The following CDH13 variants were observed in gnomAD, a reference collection of about 807,000 sequenced individuals.
CDH13 encodes cadherin 13.
Under a neutral mutation model 63.8 loss-of-function variants are expected in CDH13, and 24 were observed. The observed-to-expected ratio is 0.38, with a 90% confidence interval of 0.27 to 0.53. The LOEUF (loss-of-function observed/expected upper bound fraction) is 0.53, where lower values mean the gene tolerates loss of function less well. Ranked by LOEUF, CDH13 falls within the 20% of genes least tolerant of loss-of-function variation. The pLI, the probability that CDH13 is intolerant of heterozygous loss-of-function variation, is 0.85. For synonymous variants in CDH13, 503 were observed against 355.3 expected (o/e 1.42, Z -4.67); for missense variants, 1,049 against 903.1 (o/e 1.16, Z -2.07).
At chr16:83,260,052 C>T (rs1042429493) in intron 5 of CDH13, among the ~76,000 whole-genome samples, 5 of 131,486 alleles carry the variant, frequency 3.8e-5, no homozygotes, top group Admixed American at 3.3e-4. Flanking sequence ...GGCAGGTTCT[C>T]ACAGTATATA....
At position 83,798,376 on chromosome 16, in the gene CDH13, C is replaced by T. The variant is rs1162582379; in HGVS notation, c.*3346C>T. On this transcript the variant is annotated 3_prime_UTR_variant, in exon 14 of 14. Coordinates refer to ENST00000567109, the MANE Select transcript of CDH13 (RefSeq NM_001257.5). ...CCTAGGGGGTGTATGAACATGGTAC[C>T]AAAAAGGTGATTAATAATTATAATA... 6.6e-6 allele frequency: 1 copy of T among 152,052 alleles called. No homozygotes were observed. The highest frequency in any genetic ancestry group is 1.9e-4 in the East Asian group (1 of 5,198). 9.4% of individuals were successfully genotyped at this position (152,052 alleles called of 1,614,324 possible). A position where few individuals can be genotyped will look rare whatever the true frequency, so the allele number is the denominator to read the frequency against.
At chr16:82,786,968 C>G (rs747431429) in intron 1 of CDH13, among the ~76,000 whole-genome samples, 2 of 152,212 alleles carry the variant, frequency 1.3e-5, no homozygotes, top group East Asian at 3.9e-4. Context: ...TGGCTTCAAA[C>G]GCTTCTAAAT....
At chr16:83,654,311 C>G (rs553254651) in intron 8 of CDH13, among the ~76,000 whole-genome samples, 1 of 152,186 alleles carries the variant, frequency 6.6e-6, no homozygotes, top group Non-Finnish European at 1.5e-5. Context: ...GGAAGGGTCC[C>G]TCCTGCACCC....
chr16:83,686,109 A>G (rs964937938), intron 10 of CDH13, among the ~76,000 whole-genome samples: 3 of 152,220 alleles, frequency 2.0e-5, no homozygotes, highest in African/African-American at 7.2e-5. Context: ...AGGAAAGCAC[A>G]CAAGCAGGGT....
At chr16:82,928,887 G>T (rs1463093941) in intron 2 of CDH13, among the ~76,000 whole-genome samples, 1 of 152,114 alleles carries the variant, frequency 6.6e-6, no homozygotes, top group Non-Finnish European at 1.5e-5. Context: ...ATTCTTCTGT[G>T]TATTGATAAA....
chr16:83,013,315 C>G (rs1914349414), intron 2 of CDH13, among the ~76,000 whole-genome samples: 1 of 152,158 alleles, frequency 6.6e-6, no homozygotes, highest in Admixed American at 6.5e-5. Flanking sequence ...ATTCCAGACT[C>G]CTGGTTTGGA....
chr16:82,837,397 G>T (rs1051496844), intron 1 of CDH13, among the ~76,000 whole-genome samples: 4 of 152,194 alleles, frequency 2.6e-5, no homozygotes, highest in South Asian at 4.2e-4. Context: ...ATTTATGTCA[G>T]AGGTCCCCAA....
At chr16:83,465,845 C>G (rs1282200255) in intron 6 of CDH13, among the ~76,000 whole-genome samples, 1 of 152,228 alleles carries the variant, frequency 6.6e-6, no homozygotes, top group African/African-American at 2.4e-5. Context: ...AAACTCTATT[C>G]TCTCTTACTT....
chr16:83,352,547 A>G (rs1032884185), intron 6 of CDH13, among the ~76,000 whole-genome samples: 1 of 152,194 alleles, frequency 6.6e-6, no homozygotes, highest in Non-Finnish European at 1.5e-5. Flanking sequence ...ATTCATCACC[A>G]CACCATACAT....
chr16:82,850,191 C>T (rs1035724869), intron 1 of CDH13, among the ~76,000 whole-genome samples: 28 of 151,800 alleles, frequency 1.8e-4, no homozygotes, highest in African/African-American at 6.3e-4. Context: ...AAGGATTCAC[C>T]ATTCTAGATG....
chr16:83,004,580 G>A (rs976343643), intron 2 of CDH13, among the ~76,000 whole-genome samples: 3 of 151,940 alleles, frequency 2.0e-5, no homozygotes, highest in Admixed American at 6.6e-5. Context: ...TCACTGCAAC[G>A]TGTGCCTCCC....
chr16:83,437,080 G>T (rs145114926), intron 6 of CDH13, among the ~76,000 whole-genome samples: 3 of 151,312 alleles, frequency 2.0e-5, no homozygotes, highest in Admixed American at 6.6e-5. Context: ...TTTTGTTTGG[G>T]TTTTTTTTTC....
At chr16:83,648,428 C>T (rs1182416851) in intron 8 of CDH13, among the ~76,000 whole-genome samples, 1 of 152,178 alleles carries the variant, frequency 6.6e-6, no homozygotes, top group African/African-American at 2.4e-5. Context: ...AATGCAGAGG[C>T]ATCACCGTGA....
chr16:83,298,759 C>G (rs1332985656), intron 5 of CDH13, among the ~76,000 whole-genome samples: 1 of 152,178 alleles, frequency 6.6e-6, no homozygotes, highest in Admixed American at 6.5e-5. Flanking sequence ...CCTCAGTATG[C>G]CTGCTTCACT....
intron 7 of CDH13, among the ~76,000 whole-genome samples, chr16:83,530,433 G>A (rs1210579829): frequency 6.6e-6 from 1 of 152,162 alleles, no homozygotes; most frequent in Non-Finnish European, 1.5e-5. Flanking sequence ...CACGGAATCA[G>A]GACCCCAGAA....
intron 1 of CDH13, among the ~76,000 whole-genome samples, chr16:82,836,745 G>A (rs1806678052): frequency 6.6e-6 from 1 of 152,102 alleles, no homozygotes; most frequent in Admixed American, 6.5e-5. Flanking sequence ...GCTTAGAAAG[G>A]CTCTACCCCA....
At chr16:83,278,330 T>C (rs779428917) in intron 5 of CDH13, among the ~76,000 whole-genome samples, 6 of 152,182 alleles carry the variant, frequency 3.9e-5, no homozygotes, top group Middle Eastern at 3.2e-3. Flanking sequence ...CCATTCACCA[T>C]GGGCTCCTTA....
intron 6 of CDH13, among the ~76,000 whole-genome samples, chr16:83,375,740 C>T (rs1054018476): frequency 6.6e-6 from 1 of 152,042 alleles, no homozygotes; most frequent in African/African-American, 2.4e-5. Context: ...TTGAGGGAAC[C>T]CCTTCTGGAT....
At chr16:83,554,010 G>C (rs944728223) in intron 7 of CDH13, among the ~76,000 whole-genome samples, 1 of 152,152 alleles carries the variant, frequency 6.6e-6, no homozygotes, top group Non-Finnish European at 1.5e-5. Context: ...ATAATTGCCT[G>C]TGTCTCTGTC....
Sources: gnomAD v4.1 joint callset for allele counts (sites outside exome capture counted in the v4.1 genomes callset) on GRCh38, gnomAD v4.1.1 for gene constraint, MANE v1.5 for transcripts, NCBI Gene and HGNC (gene_info 2026-07-23, HGNC 2026-07-21) for gene names.